The following NYAP2 variants were observed in gnomAD, a reference collection of about 807,000 sequenced individuals.
NYAP2 encodes neuronal tyrosine-phosphorylated phosphoinositide-3-kinase adaptor 2, also known as neuronal tyrosine-phosphorylated phosphoinositide-3-kinase adapter 2.
A neutral mutation model predicts 50.4 loss-of-function variants in NYAP2; 23 were observed. The observed-to-expected ratio is 0.46, with a 90% CI of 0.33 to 0.65. The LOEUF (loss-of-function observed/expected upper bound fraction) is 0.65, where lower values mean the gene tolerates loss of function less well. NYAP2 is among the 30% of genes least tolerant of loss of function. The pLI is 0.02. For synonymous variants in NYAP2, 394 were observed against 365.2 expected (o/e 1.08, Z -0.90); for missense variants, 885 against 861.0 (o/e 1.03, Z -0.35).
intron 3 of NYAP2, among the ~76,000 whole-genome samples, chr2:225,423,310 C>G (rs576242886): frequency 6.6e-6 from 1 of 152,324 alleles, no homozygotes; most frequent in South Asian, 2.1e-4. Flanking sequence ...TTCAATGTGA[C>G]TTAGAATTCT....
the NYAP2 span, among the ~76,000 whole-genome samples, chr2:225,659,946 G>A: frequency 6.6e-6 from 1 of 152,164 alleles, no homozygotes; most frequent in Admixed American, 6.5e-5. Context: ...AGTCACTGAA[G>A]GAATGATTGG....
chr2:225,507,457 A>G (rs930257143), intron 3 of NYAP2, among the ~76,000 whole-genome samples: 7 of 152,222 alleles, frequency 4.6e-5, no homozygotes, highest in Non-Finnish European at 7.3e-5. Context: ...GCATTGTCAG[A>G]GCAGTTTTGA....
At chr2:225,663,002 C>G in the NYAP2 span, among the ~76,000 whole-genome samples, 1 of 152,266 alleles carries the variant, frequency 6.6e-6, no homozygotes. Context: ...AATACAAAAG[C>G]ACACTTTAGA....
At chr2:225,454,990 A>T (rs1689717462) in intron 3 of NYAP2, among the ~76,000 whole-genome samples, 1 of 152,140 alleles carries the variant, frequency 6.6e-6, no homozygotes, top group Admixed American at 6.5e-5. Context: ...GGGAGGCAAA[A>T]GTGTCATAGT....
chr2:225,489,191 C>A (rs980959797), intron 3 of NYAP2, among the ~76,000 whole-genome samples: 33 of 150,974 alleles, frequency 2.2e-4, no homozygotes, highest in African/African-American at 7.6e-4. Context: ...TTCTTTCTTT[C>A]TTTTATTTAT....
exon 7 of NYAP2, chr2:225,651,818 A>T (rs1001249820): frequency 9.0e-6 from 4 of 444,764 alleles, no homozygotes; most frequent in Non-Finnish European, 1.6e-5. Context: ...TAAATGTAGT[A>T]AACTTGTACT....
At chr2:225,456,847 A>T (rs1036090927) in intron 3 of NYAP2, among the ~76,000 whole-genome samples, 1 of 152,202 alleles carries the variant, frequency 6.6e-6, no homozygotes, top group Non-Finnish European at 1.5e-5. Context: ...GAATGTGCTT[A>T]TTAGGGCCCA....
chr2:225,493,450 G>A (rs1690445233), intron 3 of NYAP2, among the ~76,000 whole-genome samples: 2 of 152,142 alleles, frequency 1.3e-5, no homozygotes, highest in African/African-American at 2.4e-5. Flanking sequence ...ACATGTACAG[G>A]GTGACCAACA....
At chr2:225,408,652 C>T (rs1694978747) in intron 2 of NYAP2, among the ~76,000 whole-genome samples, 1 of 152,018 alleles carries the variant, frequency 6.6e-6, no homozygotes, top group Non-Finnish European at 1.5e-5. Flanking sequence ...CTTTGTCCTG[C>T]TAGTGTTGCT....
intron 3 of NYAP2, among the ~76,000 whole-genome samples, chr2:225,432,292 G>A (rs760871686): frequency 4.0e-5 from 6 of 151,094 alleles, no homozygotes; most frequent in African/African-American, 7.3e-5. Flanking sequence ...CACCGTACCC[G>A]GCCAGCAATG....
intron 3 of NYAP2, among the ~76,000 whole-genome samples, chr2:225,456,821 G>T (rs938723212): frequency 1.3e-5 from 2 of 152,126 alleles, no homozygotes. Flanking sequence ...CTATCTGAGT[G>T]CACCTAAAGG....
At chr2:225,655,885 T>C (rs1011824091), downstream of NYAP2, among the ~76,000 whole-genome samples, 10 of 121,214 alleles carry the variant, frequency 8.2e-5, no homozygotes, top group Non-Finnish European at 1.2e-4. Context: ...CAACCTCCAC[T>C]ACACACACAC....
Position 225,602,504 on chromosome 2 carries a change from A to G in NYAP2, c.1618+19469A>G, listed in dbSNP as rs141450622. On this transcript the variant is annotated intron_variant, in intron 5 of 6. Transcript: ENST00000636099. ...AAGAGTTTTACCAAGAAGCCATCCT[A>G]ACTGCCTGCTTGACCAGTTTCTTTC... Among the ~76,000 whole-genome samples, 463 of 152,274 alleles carry G rather than the reference A, an allele frequency of 3.0e-3. 2 individuals carry two copies. The highest frequency in any genetic ancestry group is 0.01 in the Middle Eastern group (3 of 294).
intron 3 of NYAP2, among the ~76,000 whole-genome samples, chr2:225,473,190 T>C (rs2106160323): frequency 6.6e-6 from 1 of 152,366 alleles, no homozygotes; most frequent in Non-Finnish European, 1.5e-5. Context: ...TGCCACATTT[T>C]CTTTATCCAG....
intron 3 of NYAP2, among the ~76,000 whole-genome samples, chr2:225,442,035 C>A (rs544499659): frequency 6.6e-6 from 1 of 152,272 alleles, no homozygotes; most frequent in East Asian, 1.9e-4. Flanking sequence ...CTCTTCAGTG[C>A]GGCATTCTCA....
chr2:225,522,701 T>G (rs937637503), intron 4 of NYAP2, among the ~76,000 whole-genome samples: 25 of 152,160 alleles, frequency 1.6e-4, no homozygotes, highest in Non-Finnish European at 2.6e-4. Context: ...CTTTCTTTCT[T>G]GTTGCTTACA....
chr2:225,482,363 G>C (rs1456495619), intron 3 of NYAP2, among the ~76,000 whole-genome samples: 1 of 152,154 alleles, frequency 6.6e-6, no homozygotes, highest in Non-Finnish European at 1.5e-5. Context: ...GCCTGTTAGA[G>C]TAGTGTACAG....
intron 5 of NYAP2, 94 bp downstream of exon 5, chr2:225,583,129 G>GACACAA (rs1463869928): frequency 1.5e-6 from 2 of 1,365,316 alleles, no homozygotes; most frequent in African/African-American, 2.9e-5. Context: ...ACAGAGTACG[G>GACACAA]GGTCTTGAGG....
At chr2:225,643,698 G>GT (rs1163868084) in intron 6 of NYAP2, among the ~76,000 whole-genome samples, 9 of 151,676 alleles carry the variant, frequency 5.9e-5, no homozygotes, top group Non-Finnish European at 1.2e-4. Context: ...GCGGTGTTTG[G>GT]TTTTTTGTTC....
Sources: allele counts gnomAD v4.1 joint callset (sites outside exome capture counted in the v4.1 genomes callset), GRCh38; gene constraint gnomAD v4.1.1; transcripts MANE v1.5; gene names NCBI Gene and HGNC (gene_info 2026-07-23, HGNC 2026-07-21).